MYO5B: variants seen among roughly 807,000 people sequenced by gnomAD.
The protein encoded by MYO5B is myosin VB, also known as unconventional myosin-Vb.
Under a neutral mutation model 229.3 loss-of-function variants are expected in MYO5B, and 143 were observed. The ratio of observed to expected loss-of-function variants is 0.62; its 90% CI spans 0.54 to 0.72. The LOEUF (loss-of-function observed/expected upper bound fraction) is 0.72, where lower values mean the gene tolerates loss of function less well. Among genes scored for constraint, MYO5B ranks in the 30% least tolerant of loss-of-function variants. The pLI is 0.00. For synonymous variants in MYO5B, 918 were observed against 885.2 expected (o/e 1.04, Z -0.66); for missense variants, 2,321 against 2,331.0 (o/e 1.00, Z 0.09).
At chr18:50,007,335 C>G (rs749051524) in intron 4 of MYO5B, among the ~76,000 whole-genome samples, 2 of 152,182 alleles carry the variant, frequency 1.3e-5, no homozygotes, top group Non-Finnish European at 2.9e-5. Flanking sequence ...GAACTTCTCT[C>G]CAGGGTGTAG....
intron 12 of MYO5B, among the ~76,000 whole-genome samples, chr18:49,958,197 G>A (rs2025517495): frequency 6.6e-6 from 1 of 152,042 alleles, no homozygotes; most frequent in Non-Finnish European, 1.5e-5. Context: ...TACAAGTACT[G>A]CAGCCAAAAA....
chr18:50,073,222 T>A (rs1199415184), intron 1 of MYO5B, among the ~76,000 whole-genome samples: 1 of 152,184 alleles, frequency 6.6e-6, no homozygotes, highest in Non-Finnish European at 1.5e-5. Flanking sequence ...GGTCCCCAGA[T>A]GACAGAATAA....
chr18:49,974,484 C>G lies in MYO5B; in HGVS notation c.1188G>C (p.Gln396His). Residue 396 changes from glutamine (Q) to histidine (H), a missense_variant, in exon 10 of 40, where the codon CAG becomes CAC. By Grantham distance (24) the Gln-to-His change is conservative. Transcript: ENST00000285039. ...CCAGGGCGTTGCGCGCATTGATCACCTGCTGCAGGGACATGGTCTTGACGT... is the reference window on the plus strand; with the variant it reads ...CCAGGGCGTTGCGCGCATTGATCACGTGCTGCAGGGACATGGTCTTGACGT... ...ETYVKTMSLQ[Q>H]VINARNALAK... is the part of the protein sequence containing the mutation. 9.9e-6 allele frequency: 16 copies of G among 1,614,198 alleles called. No homozygotes were observed. The highest frequency in any genetic ancestry group is 1.4e-5 in the Non-Finnish European group (16 of 1,180,030).
intron 1 of MYO5B, among the ~76,000 whole-genome samples, chr18:50,143,198 C>G (rs893782532): frequency 6.6e-6 from 1 of 152,156 alleles, no homozygotes; most frequent in Admixed American, 6.5e-5. Context: ...CTAGTGAGTA[C>G]TCATAGGACA....
chr18:50,147,792 A>C (rs1315950353), intron 1 of MYO5B, among the ~76,000 whole-genome samples: 2 of 152,090 alleles, frequency 1.3e-5, no homozygotes, highest in Non-Finnish European at 2.9e-5. Context: ...TAAACACTAA[A>C]TATTAAGGAA....
chr18:50,165,756 C>T (rs537038375), intron 1 of MYO5B, among the ~76,000 whole-genome samples: 2 of 150,600 alleles, frequency 1.3e-5, no homozygotes, highest in Middle Eastern at 3.4e-3. Flanking sequence ...AGCCTGGGTG[C>T]GACAGAGCCA....
At position 49,906,584 on chromosome 18, in the gene MYO5B, G is replaced by A. The variant is rs776202582; in HGVS notation, c.2249C>T (p.Ala750Val). 1 of 1,614,050 alleles carries A rather than the reference G, an allele frequency of 6.2e-7. No homozygotes were observed. The highest frequency in any genetic ancestry group is 1.1e-5 in the South Asian group (1 of 91,094). The change falls in exon 19 of 40, where the codon GCA becomes GTA. Residue 750 changes from alanine (A) to valine (V), a missense_variant. Transcript: ENST00000285039. The stretch of plus-strand genomic sequence containing the variant: ...CTTCTCCAGGTAGGCCACCTGGCCT[G>A]CTCGAAAGAAGATCTTGGTGCGGCC... Reference protein sequence around the residue: ...QFGRTKIFFRAGQVAYLEKLR... With the variant: ...QFGRTKIFFRVGQVAYLEKLR...
intron 4 of MYO5B, among the ~76,000 whole-genome samples, chr18:50,032,438 A>G (rs1485436738): frequency 6.6e-6 from 1 of 152,172 alleles, no homozygotes; most frequent in Non-Finnish European, 1.5e-5. Context: ...CCTATTCTGG[A>G]CATTTTATAG....
In MYO5B at chr18:49,974,369, C is replaced by T. The variant is rs1283622290; in HGVS notation, c.1303G>A (p.Gly435Arg). Residue 435 changes from glycine (G) to arginine (R), a missense_variant, in exon 10 of 40, where the codon GGG becomes AGG. Physicochemically the swap from Gly to Arg is moderately radical, Grantham distance 125. This residue lies in a region of MYO5B where 2,113 missense variants were observed against 2,044.7 expected (regional missense o/e 1.03). Transcript: ENST00000285039. ...HTSLKQHSFI[G>R]VLDIYGFETF... ...GCCTACCCATAGATGTCCAGGACCC[C>T]GATGAAGGAGTGCTGCTTGAGGGAG... The T allele has an allele frequency of 3.7e-6, 6 of 1,614,026 alleles. No homozygotes were observed. The highest frequency in any genetic ancestry group is 1.3e-5 in the African/African-American group (1 of 74,912).
intron 4 of MYO5B, among the ~76,000 whole-genome samples, chr18:50,003,662 T>A (rs1372498063): frequency 1.3e-5 from 2 of 152,154 alleles, no homozygotes; most frequent in Admixed American, 1.3e-4. Flanking sequence ...TTTGATACCA[T>A]CTTTAAAACT....
At chr18:50,059,338 T>A (rs527493105) in intron 1 of MYO5B, among the ~76,000 whole-genome samples, 29 of 152,332 alleles carry the variant, frequency 1.9e-4, no homozygotes, top group Middle Eastern at 3.4e-3. Flanking sequence ...GTTGGGTCGA[T>A]AACTCACATA....
At chr18:49,917,122 A>G (rs990890643) in intron 17 of MYO5B, among the ~76,000 whole-genome samples, 3 of 152,202 alleles carry the variant, frequency 2.0e-5, no homozygotes, top group Admixed American at 2.0e-4. Context: ...ACTGTGGGAC[A>G]GAGAGCATTC....
At position 49,934,506 on chromosome 18, in the gene MYO5B, G is replaced by A. The variant is rs766353358; in HGVS notation, c.2003+1746C>T. ...AGTATCTGTCCCACAGCAGGGACACGCTCTGATGAGGGAAAGGCCCAAGGC... is the reference window on the plus strand; with the variant it reads ...AGTATCTGTCCCACAGCAGGGACACACTCTGATGAGGGAAAGGCCCAAGGC... On this transcript the variant is annotated intron_variant, in intron 16 of 39. Coordinates refer to ENST00000285039, the MANE Select transcript of MYO5B (RefSeq NM_001080467.3). 5.9e-5 allele frequency among the ~76,000 whole-genome samples: 9 copies of A among 152,298 alleles called. No homozygotes were observed. In the South Asian group the frequency reaches 6.2e-4, roughly 11 times the overall value.
intron 12 of MYO5B, among the ~76,000 whole-genome samples, chr18:49,955,024 T>C (rs927440435): frequency 1.3e-5 from 2 of 152,146 alleles, no homozygotes; most frequent in African/African-American, 2.4e-5. Flanking sequence ...CCCCTGAGTT[T>C]TGGGTTTCAT....
At chr18:49,928,344 G>A (rs2025152642) in intron 17 of MYO5B, among the ~76,000 whole-genome samples, 1 of 152,168 alleles carries the variant, frequency 6.6e-6, no homozygotes, top group African/African-American at 2.4e-5. Context: ...AAAGAACTAA[G>A]AGTAGATCTA....
intron 14 of MYO5B, among the ~76,000 whole-genome samples, chr18:49,949,231 T>C (rs1482368964): frequency 2.0e-5 from 3 of 152,120 alleles, no homozygotes; most frequent in Admixed American, 6.5e-5. Context: ...TGGCCAGGAA[T>C]AGGCAATCTT....
chr18:50,008,022 G>T (rs143169000), intron 4 of MYO5B, among the ~76,000 whole-genome samples: 1 of 152,058 alleles, frequency 6.6e-6, no homozygotes, highest in Non-Finnish European at 1.5e-5. Context: ...AGGTTATGCT[G>T]GTGGAATTAT....
rs556369372 is a variant in MYO5B at position 50,114,429 on chromosome 18, C to T, written c.28-59051G>A. 2.0e-5 allele frequency among the ~76,000 whole-genome samples: 3 copies of T among 152,340 alleles called. No homozygotes were observed. In the East Asian group the frequency reaches 5.8e-4, roughly 29 times the overall value. The stretch of plus-strand genomic sequence containing the variant: ...ACTGACTCCTCCAAGCTAACCAAGG[C>T]TCCTCTTGGGAAAGGGTGCCCACAC... On this transcript the variant is annotated intron_variant, in intron 1 of 39. Coordinates refer to ENST00000285039, the MANE Select transcript of MYO5B (RefSeq NM_001080467.3).
intron 1 of MYO5B, among the ~76,000 whole-genome samples, chr18:50,163,866 T>C (rs1010134336): frequency 7.2e-5 from 11 of 152,316 alleles, no homozygotes; most frequent in African/African-American, 2.6e-4. Flanking sequence ...CAAATGTTAA[T>C]TTGCTCTGAG....
Sources: gnomAD v4.1 joint callset for allele counts (sites outside exome capture counted in the v4.1 genomes callset) on GRCh38, gnomAD v4.1.1 for gene constraint, gnomAD v4.1.1 regional missense constraint, MANE v1.5 for transcripts, NCBI Gene and HGNC (gene_info 2026-07-23, HGNC 2026-07-21) for gene names.